TSPAN9: variants seen among roughly 807,000 people sequenced by gnomAD.
TSPAN9 encodes the protein tetraspanin 9, also known as tetraspanin-9.
A neutral mutation model predicts 31.0 loss-of-function variants in TSPAN9; 16 were observed. The ratio of observed to expected loss-of-function variants is 0.52; its 90% CI spans 0.35 to 0.78. The LOEUF (loss-of-function observed/expected upper bound fraction) is 0.78. TSPAN9 is among the 30% of genes least tolerant of loss of function. The pLI, the probability that TSPAN9 is intolerant of heterozygous loss-of-function variation, is 0.01. For synonymous variants in TSPAN9, 145 were observed against 121.6 expected (o/e 1.19, Z -1.27); for missense variants, 272 against 312.5 (o/e 0.87, Z 0.98).
chr12:3,257,720 G>T (rs537538578), intron 3 of TSPAN9, among the ~76,000 whole-genome samples: 1 of 138,348 alleles, frequency 7.2e-6, no homozygotes, highest in Non-Finnish European at 1.6e-5. Context: ...TACCTACTGT[G>T]ATGGTTTCTT....
intron 2 of TSPAN9, among the ~76,000 whole-genome samples, chr12:3,104,040 A>G (rs74057526): frequency 0.039 from 5,868 of 152,214 alleles, 388 homozygotes; most frequent in African/African-American, 0.13. Context: ...AGACTGGAAG[A>G]CAGGGAGGGA....
intron 2 of TSPAN9, among the ~76,000 whole-genome samples, chr12:3,098,148 C>A (rs748641663): frequency 3.2e-4 from 49 of 152,194 alleles, no homozygotes; most frequent in Non-Finnish European, 6.3e-4. Flanking sequence ...TGGCCTGGGG[C>A]AAGTCATGTC....
At chr12:3,214,248 T>C (rs2098380212) in intron 3 of TSPAN9, among the ~76,000 whole-genome samples, 1 of 152,250 alleles carries the variant, frequency 6.6e-6, no homozygotes, top group South Asian at 2.1e-4. Context: ...TGAGATATTT[T>C]ATCTTCCTTA....
intron 3 of TSPAN9, among the ~76,000 whole-genome samples, chr12:3,260,248 A>G (rs752968253): frequency 2.0e-5 from 3 of 152,236 alleles, no homozygotes; most frequent in South Asian, 2.1e-4. Flanking sequence ...ATAAGTGACT[A>G]TGGAAAGAGC....
At chr12:3,199,468 T>C (rs569128803) in intron 2 of TSPAN9, among the ~76,000 whole-genome samples, 6 of 152,344 alleles carry the variant, frequency 3.9e-5, no homozygotes, top group African/African-American at 1.4e-4. Context: ...GTTGCAGTGC[T>C]TTACGGTAGG....
At chr12:3,080,073 G>A (rs11062490) in intron 1 of TSPAN9, among the ~76,000 whole-genome samples, 37,456 of 151,740 alleles carry the variant, frequency 0.25, 5,258 homozygotes, top group South Asian at 0.38. Context: ...ACAGGCGTGA[G>A]CCACCACGCC....
At chr12:3,102,700 G>A (rs1278526126) in intron 2 of TSPAN9, among the ~76,000 whole-genome samples, 1 of 152,218 alleles carries the variant, frequency 6.6e-6, no homozygotes, top group Non-Finnish European at 1.5e-5. Context: ...GCCTTCCAAA[G>A]TGCTGGGATT....
chr12:3,163,491 A>G (rs34573223), intron 2 of TSPAN9, among the ~76,000 whole-genome samples: 25,378 of 152,058 alleles, frequency 0.17, 2,232 homozygotes, highest in East Asian at 0.24. Context: ...CCACCCCGCT[A>G]CACCTAGGAT....
chr12:3,090,893 G>A (rs1341387007), intron 2 of TSPAN9, among the ~76,000 whole-genome samples: 1 of 152,238 alleles, frequency 6.6e-6, no homozygotes, highest in Non-Finnish European at 1.5e-5. Flanking sequence ...GTCATCCAGG[G>A]AAACTGGCAA....
At chr12:3,119,470 C>T (rs1470642468) in intron 2 of TSPAN9, among the ~76,000 whole-genome samples, 1 of 152,180 alleles carries the variant, frequency 6.6e-6, no homozygotes, top group African/African-American at 2.4e-5. Context: ...CCAGATCAGC[C>T]CCTGCCTTCC....
At chr12:3,134,099 T>C (rs893096064) in intron 2 of TSPAN9, among the ~76,000 whole-genome samples, 1 of 152,156 alleles carries the variant, frequency 6.6e-6, no homozygotes, top group Admixed American at 6.5e-5. Flanking sequence ...GTGCTTTGCT[T>C]CCTGTGTCAG....
intron 2 of TSPAN9, among the ~76,000 whole-genome samples, chr12:3,176,807 C>T (rs1468046012): frequency 6.6e-6 from 1 of 152,248 alleles, no homozygotes; most frequent in Non-Finnish European, 1.5e-5. Context: ...ACCTTTCAGG[C>T]CCTCCTGAGT....
chr12:3,202,148 T>C (rs532131120), intron 3 of TSPAN9, among the ~76,000 whole-genome samples: 1 of 152,252 alleles, frequency 6.6e-6, no homozygotes, highest in Non-Finnish European at 1.5e-5. Context: ...AAATACTGGT[T>C]AGGAACATTT....
intron 3 of TSPAN9, among the ~76,000 whole-genome samples, chr12:3,229,227 G>A (rs1002772617): frequency 2.0e-5 from 3 of 152,150 alleles, no homozygotes; most frequent in African/African-American, 4.8e-5. Flanking sequence ...GTCCCATTTC[G>A]GGCCCAGAGA....
chr12:3,103,649 G>T (rs576939443), intron 2 of TSPAN9, among the ~76,000 whole-genome samples: 114 of 152,276 alleles, frequency 7.5e-4, no homozygotes, highest in African/African-American at 2.7e-3. Context: ...TTGTCTCTTG[G>T]CTGTGACTTT....
chr12:3,180,699 A>C (rs573409630), intron 2 of TSPAN9, among the ~76,000 whole-genome samples: 54 of 152,110 alleles, frequency 3.6e-4, no homozygotes, highest in African/African-American at 1.3e-3. Flanking sequence ...ATTTTCGTCC[A>C]TGTTTCCAGA....
At position 3,286,442 on chromosome 12, in the gene TSPAN9, A is replaced by C. The variant is rs1863018332; in HGVS notation, c.*3326A>C. ...CAGGGTGAGCACGCTTGTTGGTTTCAGATGCACTTTCTGCTTGCATTGCCG... is the reference window on the plus strand; with the variant it reads ...CAGGGTGAGCACGCTTGTTGGTTTCCGATGCACTTTCTGCTTGCATTGCCG... On this transcript the variant is annotated 3_prime_UTR_variant, in exon 9 of 9. Coordinates refer to ENST00000011898, the MANE Select transcript of TSPAN9 (RefSeq NM_006675.5). The surrounding 1 kb of genome is among the most constrained non-coding windows in gnomAD (Gnocchi z 4.1). 1 of 152,622 alleles carries C rather than the reference A, an allele frequency of 6.6e-6. No homozygotes were observed. Among genetic ancestry groups the C allele is most frequent in the Admixed American group, 6.5e-5 (1 of 15,274 alleles). The allele number at this position is 152,622 out of a possible 1,614,324, so 9.5% of individuals were successfully genotyped here. A position where few individuals can be genotyped will look rare whatever the true frequency, so the allele number is the denominator to read the frequency against.
intron 3 of TSPAN9, among the ~76,000 whole-genome samples, chr12:3,243,514 C>A (rs2098397719): frequency 6.6e-6 from 1 of 152,220 alleles, no homozygotes; most frequent in Non-Finnish European, 1.5e-5. Flanking sequence ...TCCCCTCATC[C>A]CCACAGGGCT....
intron 2 of TSPAN9, among the ~76,000 whole-genome samples, chr12:3,167,503 T>G (rs192619248): frequency 2.6e-5 from 4 of 152,330 alleles, no homozygotes; most frequent in Admixed American, 2.6e-4. Flanking sequence ...ACCTTTCTTC[T>G]TAATGATTAG....
Sources: allele counts gnomAD v4.1 joint callset (sites outside exome capture counted in the v4.1 genomes callset), GRCh38; gene constraint gnomAD v4.1.1; non-coding constraint Gnocchi (gnomAD v3.1); transcripts MANE v1.5; gene names NCBI Gene and HGNC (gene_info 2026-07-23, HGNC 2026-07-21).